The following TANC1 variants were observed in gnomAD, a reference collection of about 807,000 sequenced individuals.
TANC1 encodes tetratricopeptide repeat, ankyrin repeat and coiled-coil containing 1, also known as protein TANC1.
A neutral mutation model predicts 149.7 loss-of-function variants in TANC1; 77 were observed. The observed-to-expected ratio is 0.51, with a 90% CI of 0.43 to 0.62. The LOEUF (loss-of-function observed/expected upper bound fraction) is 0.62. Ranked by LOEUF, TANC1 falls within the 20% of genes least tolerant of loss-of-function variation. TANC1 has a pLI of 0.00. For missense variants in TANC1, 1,985 were observed against 2,321.8 expected (o/e 0.85, Z 2.98); for synonymous variants, 854 against 925.0 (o/e 0.92, Z 1.39).
intron 2 of TANC1, among the ~76,000 whole-genome samples, chr2:159,054,685 A>C (rs561490780): frequency 7.2e-5 from 11 of 152,330 alleles, no homozygotes; most frequent in Middle Eastern, 3.4e-3. Flanking sequence ...TATAATACCA[A>C]ATTTCATTCA....
intron 7 of TANC1, among the ~76,000 whole-genome samples, chr2:159,151,907 A>G (rs541952887): frequency 6.6e-6 from 1 of 152,326 alleles, no homozygotes; most frequent in East Asian, 1.9e-4. Context: ...TATATTTTAA[A>G]AGTTGTGCAA....
At position 159,175,110 on chromosome 2, in the gene TANC1, T is replaced by A; in HGVS notation, c.1661T>A (p.Leu554His). The A allele has an allele frequency of 6.2e-7, 1 of 1,614,112 alleles. No individual in the cohort carries two copies. The highest frequency in any genetic ancestry group is 8.5e-7 in the Non-Finnish European group (1 of 1,180,012). The change falls in exon 12 of 27, where the codon CTC (leucine) becomes CAC (histidine). Residue 554 changes from leucine to histidine, a missense_variant. Around this residue, in one of 3 missense-constraint regions of TANC1, gnomAD observed 508 missense variants for 714.2 expected, o/e 0.71. Coordinates refer to ENST00000263635, the MANE Select transcript of TANC1 (RefSeq NM_033394.3). ...CCCCAACTACAGAGCATGCTGAGCCTCCGATCCTGTGTGCAGGACCCGGTG... is the reference window on the plus strand; with the variant it reads ...CCCCAACTACAGAGCATGCTGAGCCACCGATCCTGTGTGCAGGACCCGGTG... ...KEPQLQSMLS[L>H]RSCVQDPVAA...
chr2:159,212,928 A>G (rs79769275), intron 19 of TANC1, among the ~76,000 whole-genome samples: 13,339 of 112,522 alleles, frequency 0.12, 755 homozygotes, highest in East Asian at 0.39. Context: ...TCAAAAAAAA[A>G]AAAAAAAAAA....
At chr2:159,221,879 G>C (rs986213929) in intron 22 of TANC1, among the ~76,000 whole-genome samples, 1 of 152,136 alleles carries the variant, frequency 6.6e-6, no homozygotes, top group Non-Finnish European at 1.5e-5. Flanking sequence ...GATTTTATCA[G>C]GCTCCATGTC....
At chr2:159,087,700 C>T (rs1006004844) in intron 3 of TANC1, among the ~76,000 whole-genome samples, 4 of 151,274 alleles carry the variant, frequency 2.6e-5, no homozygotes, top group Admixed American at 2.0e-4. Context: ...TTCAGGCTTT[C>T]GGTGTTGGAC....
In TANC1 at chr2:159,211,702, G is replaced by A. The variant is rs137873815; in HGVS notation, c.3245-5795G>A. 2.6e-4 allele frequency among the ~76,000 whole-genome samples: 39 copies of A among 152,292 alleles called. No individual in the cohort carries two copies. In the East Asian group the frequency reaches 5.0e-3, roughly 20 times the overall value. ...GAAAATGGCAGAGCCTCAGGAGTTC[G>A]CCGTGATGGCCCCAGAATACTCAAT... On this transcript the variant is annotated intron_variant, in intron 19 of 26. Coordinates refer to ENST00000263635, the MANE Select transcript of TANC1 (RefSeq NM_033394.3).
intron 19 of TANC1, among the ~76,000 whole-genome samples, chr2:159,202,044 A>G (rs2058284628): frequency 6.6e-6 from 1 of 152,234 alleles, no homozygotes; most frequent in Non-Finnish European, 1.5e-5. Flanking sequence ...CTTGCAATTC[A>G]GTGAATCTAT....
intron 3 of TANC1, among the ~76,000 whole-genome samples, chr2:159,066,550 T>C (rs1394696643): frequency 6.6e-6 from 1 of 152,236 alleles, no homozygotes; most frequent in Non-Finnish European, 1.5e-5. Flanking sequence ...CATTCAGATC[T>C]GGAGGGAGTC....
At chr2:159,113,428 T>C (rs138240026) in intron 4 of TANC1, among the ~76,000 whole-genome samples, 1 of 152,324 alleles carries the variant, frequency 6.6e-6, no homozygotes, top group East Asian at 1.9e-4. Context: ...ATGTCTCTAA[T>C]AGTTGGTTTC....
intron 1 of TANC1, among the ~76,000 whole-genome samples, chr2:158,982,288 A>C (rs2034470928): frequency 6.6e-6 from 1 of 152,234 alleles, no homozygotes. Flanking sequence ...AACTATATTT[A>C]GTCCATTAAA....
intron 2 of TANC1, among the ~76,000 whole-genome samples, chr2:159,027,681 A>G (rs1189469553): frequency 6.6e-6 from 1 of 152,178 alleles, no homozygotes; most frequent in Non-Finnish European, 1.5e-5. Context: ...TTTCAAAGCC[A>G]CTTCCACATT....
At chr2:159,193,755 T>G (rs1479919176) in intron 16 of TANC1, among the ~76,000 whole-genome samples, 2 of 152,146 alleles carry the variant, frequency 1.3e-5, no homozygotes, top group African/African-American at 4.8e-5. Context: ...TCTCTTGACC[T>G]CGTGATCCAC....
At chr2:159,136,161 A>C (rs775262111) in intron 4 of TANC1, 33 bp from the exon 5 acceptor site, 2 of 1,321,150 alleles carry the variant, frequency 1.5e-6, no homozygotes, top group Non-Finnish European at 2.2e-6. Context: ...CATCTGGAAA[A>C]AATTAGCCAC....
chr2:159,191,674 A>G (rs4450556), intron 16 of TANC1, among the ~76,000 whole-genome samples: 35,349 of 152,142 alleles, frequency 0.23, 5,309 homozygotes, highest in Non-Finnish European at 0.35. Flanking sequence ...TCACTATGCC[A>G]TTGTGAGTTA....
At chr2:159,218,891 C>T (rs76375006) in intron 20 of TANC1, among the ~76,000 whole-genome samples, 9 of 152,290 alleles carry the variant, frequency 5.9e-5, no homozygotes, top group East Asian at 5.8e-4. Flanking sequence ...GACCGCTGCT[C>T]GCCCCTCTTA....
chr2:159,065,929 A>G lies in TANC1; in HGVS notation c.19A>G (p.Lys7Glu). 1 of 1,613,966 alleles carries G rather than the reference A, an allele frequency of 6.2e-7. No individual in the cohort carries two copies. The highest frequency in any genetic ancestry group is 1.1e-5 in the South Asian group (1 of 91,072). MLKAVL[K>E]KSREGGKGGK... ...GTTGAAAATGTTAAAGGCTGTGCTG[A>G]AGAAGAGCCGAGAGGGAGGAAAGGG... The change falls in exon 3 of 27, where the codon AAG (lysine) becomes GAG (glutamate). Residue 7 changes from lysine to glutamate, a missense_variant. Around this residue, in one of 3 missense-constraint regions of TANC1, gnomAD observed 557 missense variants for 612.9 expected, o/e 0.91. Transcript: ENST00000263635.
At position 159,169,234 on chromosome 2, in the gene TANC1, C is replaced by T. The variant is rs2054918262; in HGVS notation, c.947-16C>T. ...AGTCACCTTTGAAGATACTAAACTT[C>T]AGTTTAATATTACAGCAACAAGCTC... On this transcript the variant is annotated splice_polypyrimidine_tract_variant and intron_variant, in intron 8 of 26. Transcript: ENST00000263635. 1.2e-6 allele frequency: 2 copies of T among 1,606,488 alleles called. No homozygotes were observed. The highest frequency in any genetic ancestry group is 4.5e-5 in the East Asian group (2 of 44,826).
At chr2:159,221,798 T>A (rs564555147) in intron 22 of TANC1, among the ~76,000 whole-genome samples, 42 of 152,354 alleles carry the variant, frequency 2.8e-4, no homozygotes, top group African/African-American at 9.6e-4. Context: ...AATGCCCATG[T>A]CTAATCGAGG....
chr2:159,019,653 GTTTTTTTTTTTTTTT>G (rs55746240), intron 2 of TANC1, among the ~76,000 whole-genome samples: 933 of 73,348 alleles, frequency 0.013, 24 homozygotes, highest in African/African-American at 0.047. Context: ...CTTTCTTTCT[GTTTTTTTTTTTTTTT>G]TTTTTTTTTT....
Sources: gnomAD v4.1 joint callset for allele counts (sites outside exome capture counted in the v4.1 genomes callset) on GRCh38, gnomAD v4.1.1 for gene constraint, gnomAD v4.1.1 regional missense constraint, MANE v1.5 for transcripts, NCBI Gene and HGNC (gene_info 2026-07-23, HGNC 2026-07-21) for gene names.